The following SGCZ variants were observed in gnomAD, a reference collection of about 807,000 sequenced individuals.
SGCZ encodes the protein zeta-sarcoglycan.
Under a neutral mutation model 41.3 loss-of-function variants are expected in SGCZ, and 40 were observed. The ratio of observed to expected loss-of-function variants is 0.97; its 90% CI spans 0.75 to 1.26. SGCZ has a LOEUF of 1.26. Ranked by LOEUF, SGCZ falls within the 50% of genes most tolerant of loss-of-function variation. The probability of loss-of-function intolerance (pLI) is 0.00; values close to 1 mark genes in which losing one functional copy is unlikely to be tolerated. For synonymous variants in SGCZ, 206 were observed against 137.5 expected (o/e 1.50, Z -3.49); for missense variants, 552 against 369.8 (o/e 1.49, Z -4.04).
intron 1 of SGCZ, among the ~76,000 whole-genome samples, chr8:15,115,330 A>C (rs116766409): frequency 2.0e-5 from 3 of 152,292 alleles, no homozygotes; most frequent in African/African-American, 7.2e-5. Context: ...TGCTAGAAGT[A>C]GTAATGAAAC....
At chr8:14,884,410 A>C (rs559350984) in intron 1 of SGCZ, among the ~76,000 whole-genome samples, 3 of 152,096 alleles carry the variant, frequency 2.0e-5, no homozygotes, top group Admixed American at 6.6e-5. Flanking sequence ...AAGATAAATG[A>C]ACTATTTATT....
intron 4 of SGCZ, among the ~76,000 whole-genome samples, chr8:14,168,662 A>G (rs749284639): frequency 4.6e-5 from 7 of 152,168 alleles, no homozygotes; most frequent in Non-Finnish European, 8.8e-5. Flanking sequence ...TTTATAAATT[A>G]GGCAGTCTCA....
At chr8:14,989,108 C>T (rs1219092196) in intron 1 of SGCZ, among the ~76,000 whole-genome samples, 28 of 152,212 alleles carry the variant, frequency 1.8e-4, no homozygotes, top group Admixed American at 1.8e-3. Context: ...CCTCCCAGGA[C>T]AGTAGAAACC....
intron 1 of SGCZ, among the ~76,000 whole-genome samples, chr8:14,625,334 T>C (rs957355699): frequency 9.9e-5 from 15 of 152,206 alleles, no homozygotes; most frequent in African/African-American, 3.4e-4. Flanking sequence ...GCTTCTGTTG[T>C]GTGGCCACTT....
chr8:14,867,698 A>G (rs375718896), intron 1 of SGCZ, among the ~76,000 whole-genome samples: 17 of 152,214 alleles, frequency 1.1e-4, no homozygotes, highest in African/African-American at 2.2e-4. Context: ...GTTCTCACGT[A>G]TAAGTGGGAG....
intron 3 of SGCZ, among the ~76,000 whole-genome samples, chr8:14,242,496 G>C (rs1195290960): frequency 6.6e-6 from 1 of 152,122 alleles, no homozygotes; most frequent in Non-Finnish European, 1.5e-5. Context: ...CTGCATCATA[G>C]TCTCTTCATC....
intron 1 of SGCZ, among the ~76,000 whole-genome samples, chr8:15,071,119 A>G (rs1173865704): frequency 6.6e-6 from 1 of 152,204 alleles, no homozygotes; most frequent in Non-Finnish European, 1.5e-5. Flanking sequence ...TTTGTTAAGC[A>G]ATAATAACTT....
intron 1 of SGCZ, among the ~76,000 whole-genome samples, chr8:14,901,937 C>A (rs948392195): frequency 6.6e-6 from 1 of 152,142 alleles, no homozygotes; most frequent in Non-Finnish European, 1.5e-5. Flanking sequence ...CTAGCAAGAA[C>A]AAATGCTGAC....
chr8:14,952,318 A>G (rs973062704), intron 1 of SGCZ, among the ~76,000 whole-genome samples: 1 of 152,084 alleles, frequency 6.6e-6, no homozygotes, highest in Non-Finnish European at 1.5e-5. Flanking sequence ...AGTTATATCT[A>G]TATATGTGAC....
intron 1 of SGCZ, among the ~76,000 whole-genome samples, chr8:15,188,990 CA>C (rs140739661): frequency 0.043 from 6,587 of 151,670 alleles, 269 homozygotes; most frequent in East Asian, 0.19. Flanking sequence ...CATTAAATAT[CA>C]AAAAAAATAG....
At chr8:14,331,197 AATAC>A (rs1281024821) in intron 2 of SGCZ, among the ~76,000 whole-genome samples, 2 of 152,020 alleles carry the variant, frequency 1.3e-5, no homozygotes, top group Non-Finnish European at 2.9e-5. Context: ...AAATAAAAGG[AATAC>A]ATAAAGAATG....
At chr8:14,179,773 C>A (rs1804662961) in intron 4 of SGCZ, among the ~76,000 whole-genome samples, 1 of 152,110 alleles carries the variant, frequency 6.6e-6, no homozygotes, top group South Asian at 2.1e-4. Flanking sequence ...GTTCCCCAGA[C>A]AGAAAACTAA....
At chr8:15,018,900 G>A (rs971514739) in intron 1 of SGCZ, among the ~76,000 whole-genome samples, 1 of 152,226 alleles carries the variant, frequency 6.6e-6, no homozygotes, top group Non-Finnish European at 1.5e-5. Flanking sequence ...AGAGGAAGAA[G>A]GGATGTCTGG....
At chr8:14,712,291 C>G (rs957223565) in intron 1 of SGCZ, among the ~76,000 whole-genome samples, 3 of 152,204 alleles carry the variant, frequency 2.0e-5, no homozygotes, top group African/African-American at 7.2e-5. Flanking sequence ...CTGGCGCTGC[C>G]TGGTTGATGA....
At chr8:15,068,860 G>C (rs1474710791) in intron 1 of SGCZ, among the ~76,000 whole-genome samples, 1 of 152,136 alleles carries the variant, frequency 6.6e-6, no homozygotes, top group Non-Finnish European at 1.5e-5. Flanking sequence ...AATATTTGTT[G>C]ATTTATTTGA....
At chr8:14,378,522 C>A (rs1804228005) in intron 2 of SGCZ, among the ~76,000 whole-genome samples, 1 of 152,066 alleles carries the variant, frequency 6.6e-6, no homozygotes, top group Non-Finnish European at 1.5e-5. Context: ...ATTTTCACAA[C>A]CTACTCATCT....
At chr8:14,813,861 A>C (rs529574181) in intron 1 of SGCZ, among the ~76,000 whole-genome samples, 20 of 152,226 alleles carry the variant, frequency 1.3e-4, no homozygotes, top group African/African-American at 4.8e-4. Flanking sequence ...ACTAAGGCAG[A>C]AGAATCACTT....
chr8:15,167,219 G>T (rs1348560788), intron 1 of SGCZ, among the ~76,000 whole-genome samples: 4 of 152,134 alleles, frequency 2.6e-5, no homozygotes, highest in Admixed American at 2.6e-4. Flanking sequence ...TTTTTCTTTT[G>T]CAACAGAACA....
intron 1 of SGCZ, among the ~76,000 whole-genome samples, chr8:14,904,914 T>C (rs979735538): frequency 1.1e-4 from 17 of 152,110 alleles, no homozygotes; most frequent in African/African-American, 3.8e-4. Flanking sequence ...TCCTCCTATG[T>C]TTTAAATTAA....
Sources: gnomAD v4.1 joint callset for allele counts (sites outside exome capture counted in the v4.1 genomes callset) on GRCh38, gnomAD v4.1.1 for gene constraint, MANE v1.5 for transcripts, NCBI Gene and HGNC (gene_info 2026-07-23, HGNC 2026-07-21) for gene names.